Variants in TRIO observed in about 807,000 individuals in gnomAD.
The protein encoded by TRIO is triple functional domain protein.
TRIO carries 58 observed loss-of-function variants against 351.9 expected under a neutral mutation model. The ratio of observed to expected loss-of-function variants is 0.16; its 90% confidence interval spans 0.13 to 0.21. The LOEUF is 0.21. Among genes scored for constraint, TRIO ranks in the 10% least tolerant of loss-of-function variants. The probability of loss-of-function intolerance (pLI) is 1.00; values close to 1 mark genes in which losing one functional copy is unlikely to be tolerated. For synonymous variants in TRIO, 1,758 were observed against 1,595.7 expected (o/e 1.10, Z -2.42); for missense variants, 3,201 against 4,027.8 (o/e 0.79, Z 5.56).
Position 14,270,243 on chromosome 5 carries a change from C to A in TRIO, c.158-582C>A, listed in dbSNP as rs1262810003. On this transcript the variant is annotated intron_variant, in intron 1 of 56. Coordinates refer to ENST00000344204, the MANE Select transcript of TRIO (RefSeq NM_007118.4). The stretch of plus-strand genomic sequence containing the variant: ...CCTCTGAAGCTGGAGTGGCACTGGG[C>A]CGTATGACCACATTAGCCATTGACA... 1.4e-4 allele frequency among the ~76,000 whole-genome samples: 21 copies of A among 152,136 alleles called. 1 individual carries two copies. Among genetic ancestry groups the A allele is most frequent in the Admixed American group, 1.4e-3 (21 of 15,268 alleles).
chr5:14,391,316 C>G (rs982544796), intron 27 of TRIO, among the ~76,000 whole-genome samples: 18 of 152,100 alleles, frequency 1.2e-4, no homozygotes, highest in African/African-American at 4.3e-4. Context: ...CATTTTTTCA[C>G]CTGTAATACT....
At chr5:14,219,963 C>T (rs901741205) in intron 1 of TRIO, among the ~76,000 whole-genome samples, 2 of 139,738 alleles carry the variant, frequency 1.4e-5, no homozygotes, top group Non-Finnish European at 3.1e-5. Context: ...CACAAGTGTT[C>T]ATGTACAGGC....
At chr5:14,371,163 A>G (rs1745070770) in intron 18 of TRIO, among the ~76,000 whole-genome samples, 1 of 152,222 alleles carries the variant, frequency 6.6e-6, no homozygotes, top group Non-Finnish European at 1.5e-5. Context: ...AGCACTTTTA[A>G]GGTAACTAGG....
At chr5:14,231,663 TG>T (rs1393590078) in intron 1 of TRIO, among the ~76,000 whole-genome samples, 1 of 152,172 alleles carries the variant, frequency 6.6e-6, no homozygotes, top group Non-Finnish European at 1.5e-5. Flanking sequence ...TTTAATAATG[TG>T]ATTAGAACAT....
rs547159972 is a variant in TRIO at position 14,474,166 on chromosome 5, G to A, written c.6083+69G>A. On this transcript the variant is annotated intron_variant, in intron 40 of 56. Coordinates refer to ENST00000344204, the MANE Select transcript of TRIO (RefSeq NM_007118.4). Reference sequence around the variant, plus strand: ...CACTTGCTAAACCAAGGCAGGCCAGGCCAAAGGGAATTTATTCTGTTCATC... The same window carrying A: ...CACTTGCTAAACCAAGGCAGGCCAGACCAAAGGGAATTTATTCTGTTCATC... 6.7e-5 allele frequency: 98 copies of A among 1,471,930 alleles called. No individual in the cohort carries two copies. In the African/African-American group the frequency reaches 1.1e-3, roughly 17 times the overall value. 91.2% of individuals were successfully genotyped at this position (1,471,930 alleles called of 1,614,324 possible). A position where few individuals can be genotyped will look rare whatever the true frequency, so the allele number is the denominator to read the frequency against.
intron 31 of TRIO, 54 bp from the exon 32 acceptor site, chr5:14,405,794 C>T: frequency 1.3e-6 from 2 of 1,541,036 alleles, no homozygotes; most frequent in Non-Finnish European, 1.8e-6. Context: ...GTGGTTAGGG[C>T]AAGGTCTGGA....
chr5:14,478,472 G>A (rs575937445), intron 41 of TRIO, among the ~76,000 whole-genome samples: 46 of 152,192 alleles, frequency 3.0e-4, no homozygotes, highest in Non-Finnish European at 5.4e-4. Flanking sequence ...GACTCAGGGG[G>A]CCCTGGGGGT....
At chr5:14,181,036 C>T (rs953231256) in intron 1 of TRIO, among the ~76,000 whole-genome samples, 3 of 151,822 alleles carry the variant, frequency 2.0e-5, no homozygotes, top group Non-Finnish European at 4.4e-5. Flanking sequence ...TTAGAATTTT[C>T]CTTGTTTCCA....
intron 41 of TRIO, 94 bp downstream of exon 41, chr5:14,477,057 G>T: frequency 9.5e-7 from 1 of 1,052,070 alleles, no homozygotes; most frequent in Middle Eastern, 2.1e-4. Flanking sequence ...TATACTTTAT[G>T]TAAGTGCGTA....
At chr5:14,355,042 G>A (rs1009490118) in intron 11 of TRIO, among the ~76,000 whole-genome samples, 1 of 152,334 alleles carries the variant, frequency 6.6e-6, no homozygotes, top group South Asian at 2.1e-4. Context: ...GAAGTTGGAA[G>A]GTGGGAGGCT....
chr5:14,267,347 G>A (rs1795742862), intron 1 of TRIO, among the ~76,000 whole-genome samples: 1 of 152,104 alleles, frequency 6.6e-6, no homozygotes, highest in South Asian at 2.1e-4. Context: ...ATCCTATCAG[G>A]GCCTCTGTGC....
intron 1 of TRIO, among the ~76,000 whole-genome samples, chr5:14,201,656 C>T (rs1364851936): frequency 6.6e-6 from 1 of 152,108 alleles, no homozygotes; most frequent in African/African-American, 2.4e-5. Context: ...AATTACTTCA[C>T]TTAGTCAGAT....
chr5:14,160,226 G>C (rs548797895), intron 1 of TRIO, among the ~76,000 whole-genome samples: 1 of 152,270 alleles, frequency 6.6e-6, no homozygotes, highest in South Asian at 2.1e-4. Context: ...TGGTCTGCTG[G>C]GTAGAATGCC....
chr5:14,221,902 G>A (rs1334143746), intron 1 of TRIO, among the ~76,000 whole-genome samples: 2 of 152,234 alleles, frequency 1.3e-5, no homozygotes, highest in African/African-American at 4.8e-5. Flanking sequence ...AAGAAGTTCT[G>A]CTGTGGATAA....
intron 29 of TRIO, 33 bp downstream of exon 29, chr5:14,397,187 A>T: frequency 6.5e-7 from 1 of 1,531,904 alleles, no homozygotes; most frequent in Non-Finnish European, 8.9e-7. Flanking sequence ...GTGTGCATCT[A>T]TGCAGTTTCT....
At chr5:14,159,291 A>G (rs1180101166) in intron 1 of TRIO, among the ~76,000 whole-genome samples, 1 of 150,080 alleles carries the variant, frequency 6.7e-6, no homozygotes, top group Non-Finnish European at 1.5e-5. Flanking sequence ...TTGTGGAAAA[A>G]CCTGGGTTAA....
Position 14,395,498 on chromosome 5 carries a change from T to C in TRIO, c.4311+1368T>C, listed in dbSNP as rs573713647. On this transcript the variant is annotated intron_variant, in intron 28 of 56. Transcript: ENST00000344204. ...TTCAGGAGAACAGTGATAAGCTCTC[T>C]TGAGCTCCCCAACAAGGAAGGTTTT... is the stretch of plus-strand genomic sequence containing the variant. 3.8e-4 allele frequency among the ~76,000 whole-genome samples: 58 copies of C among 152,340 alleles called. No homozygotes were observed. In the South Asian group the frequency reaches 6.4e-3, roughly 17 times the overall value.
intron 2 of TRIO, among the ~76,000 whole-genome samples, chr5:14,273,963 C>T (rs756195455): frequency 3.5e-4 from 53 of 152,304 alleles, no homozygotes; most frequent in Non-Finnish European, 6.5e-4. Flanking sequence ...TATATTTCCA[C>T]TTAGTCTTCC....
At chr5:14,429,764 A>G (rs1017378057) in intron 34 of TRIO, among the ~76,000 whole-genome samples, 1 of 152,250 alleles carries the variant, frequency 6.6e-6, no homozygotes, top group East Asian at 1.9e-4. Context: ...CCAGGTACAC[A>G]TAACCATTTT....
Sources: allele counts gnomAD v4.1 joint callset (sites outside exome capture counted in the v4.1 genomes callset), GRCh38; gene constraint gnomAD v4.1.1; transcripts MANE v1.5; gene names NCBI Gene and HGNC (gene_info 2026-07-23, HGNC 2026-07-21).